Variants in LRRC3B observed in about 807,000 individuals in gnomAD.
The protein encoded by LRRC3B is leucine rich repeat containing 3B.
A neutral mutation model predicts 12.8 loss-of-function variants in LRRC3B; 2 were observed. The ratio of observed to expected loss-of-function variants is 0.16; its 90% CI spans 0.06 to 0.49. LRRC3B has a LOEUF of 0.49. Ranked by LOEUF, LRRC3B falls within the 20% of genes least tolerant of loss-of-function variation. The probability of loss-of-function intolerance (pLI) is 0.96; values close to 1 mark genes in which losing one functional copy is unlikely to be tolerated. For missense variants in LRRC3B, 189 were observed against 319.4 expected (o/e 0.59, Z 3.11); for synonymous variants, 132 against 122.0 (o/e 1.08, Z -0.54).
intron 1 of LRRC3B, among the ~76,000 whole-genome samples, chr3:26,675,202 T>A (rs1699832402): frequency 6.6e-6 from 1 of 152,056 alleles, no homozygotes; most frequent in African/African-American, 2.4e-5. Context: ...GTCATTTTCG[T>A]AAAATAAAAT....
At chr3:26,657,711 C>T (rs904355742) in intron 1 of LRRC3B, among the ~76,000 whole-genome samples, 9 of 152,010 alleles carry the variant, frequency 5.9e-5, no homozygotes, top group South Asian at 2.1e-4. Flanking sequence ...CCAGCCAAGG[C>T]GCTCATTACT....
chr3:26,641,385 A>T (rs1258813498), intron 1 of LRRC3B, among the ~76,000 whole-genome samples: 2 of 152,204 alleles, frequency 1.3e-5, no homozygotes, highest in Non-Finnish European at 2.9e-5. Context: ...TCAGGAGATT[A>T]GCAGCAATGT....
chr3:26,699,077 G>C (rs926793359), intron 1 of LRRC3B, among the ~76,000 whole-genome samples: 1 of 151,674 alleles, frequency 6.6e-6, no homozygotes, highest in Non-Finnish European at 1.5e-5. Context: ...TTTTTCTTCA[G>C]TGAAATTTCA....
chr3:26,671,373 TAGAGAGAGAG>T (rs1195473054), intron 1 of LRRC3B, among the ~76,000 whole-genome samples: 18 of 28,256 alleles, frequency 6.4e-4, no homozygotes, highest in African/African-American at 1.6e-3. Flanking sequence ...TATATATATA[TAGAGAGAGAG>T]AGAGAGAGAG....
chr3:26,693,053 G>A (rs373540683), intron 1 of LRRC3B, among the ~76,000 whole-genome samples: 37 of 152,238 alleles, frequency 2.4e-4, no homozygotes, highest in African/African-American at 8.9e-4. Flanking sequence ...AGAGCAGGCC[G>A]GGCGCGGTGG....
At chr3:26,665,602 G>C (rs372123130) in intron 1 of LRRC3B, among the ~76,000 whole-genome samples, 1 of 152,234 alleles carries the variant, frequency 6.6e-6, no homozygotes, top group South Asian at 2.1e-4. Flanking sequence ...AACATAGTGT[G>C]AAAAGTAAAT....
intron 1 of LRRC3B, among the ~76,000 whole-genome samples, chr3:26,670,897 G>T (rs1699706312): frequency 6.6e-6 from 1 of 151,706 alleles, no homozygotes; most frequent in South Asian, 2.1e-4. Flanking sequence ...CTATCAAGGA[G>T]AATTCTGGTG....
At position 26,687,615 on chromosome 3, in the gene LRRC3B, C is replaced by A. The variant is rs561572176; in HGVS notation, c.-160-21898C>A. On this transcript the variant is annotated intron_variant, in intron 1 of 1. Transcript: ENST00000396641. ...ATACAGCCCACTCAATATTGCCTGG[C>A]AGCATGGGGTACAAGAATAGCAAGG... Among the ~76,000 whole-genome samples the A allele has an allele frequency of 2.0e-5, 3 of 152,304 alleles. No homozygotes were observed. In the South Asian group the frequency reaches 6.2e-4, roughly 32 times the overall value.
chr3:26,671,373 T>TATATATATATAGAGAGAGAG (rs1261897533), intron 1 of LRRC3B, among the ~76,000 whole-genome samples: 1 of 28,248 alleles, frequency 3.5e-5, no homozygotes, highest in African/African-American at 1.5e-4. Flanking sequence ...TATATATATA[T>TATATATATATAGAGAGAGAG]AGAGAGAGAG....
intron 1 of LRRC3B, among the ~76,000 whole-genome samples, chr3:26,673,892 G>A (rs1699804065): frequency 6.6e-6 from 1 of 152,142 alleles, no homozygotes; most frequent in Non-Finnish European, 1.5e-5. Flanking sequence ...ATTGGTCCCT[G>A]GTTTGTGGAC....
chr3:26,631,043 C>G (rs1398976498), intron 1 of LRRC3B, among the ~76,000 whole-genome samples: 2 of 152,098 alleles, frequency 1.3e-5, no homozygotes, highest in Non-Finnish European at 2.9e-5. Flanking sequence ...CTGCTCTGTT[C>G]TTAGGGATCA....
At chr3:26,676,414 T>G (rs980676407) in intron 1 of LRRC3B, among the ~76,000 whole-genome samples, 2 of 152,160 alleles carry the variant, frequency 1.3e-5, no homozygotes, top group African/African-American at 4.8e-5. Flanking sequence ...GGACATGAAC[T>G]CATCATTTTT....
intron 1 of LRRC3B, among the ~76,000 whole-genome samples, chr3:26,645,504 T>A (rs1699123639): frequency 1.3e-5 from 2 of 152,124 alleles, no homozygotes; most frequent in Admixed American, 1.3e-4. Context: ...AACAATACTA[T>A]TACACAAAGA....
chr3:26,669,012 AAATT>A (rs1699665473), intron 1 of LRRC3B, among the ~76,000 whole-genome samples: 1 of 152,214 alleles, frequency 6.6e-6, no homozygotes, highest in Admixed American at 6.5e-5. Context: ...TAGACTGAAC[AAATT>A]AATATGTCAT....
intron 1 of LRRC3B, among the ~76,000 whole-genome samples, chr3:26,644,987 C>G (rs1699112523): frequency 1.3e-5 from 2 of 152,110 alleles, no homozygotes; most frequent in African/African-American, 4.8e-5. Context: ...CATACACATA[C>G]AGACATACAT....
At chr3:26,684,232 A>G (rs1700028011) in intron 1 of LRRC3B, among the ~76,000 whole-genome samples, 1 of 152,316 alleles carries the variant, frequency 6.6e-6, no homozygotes. Flanking sequence ...CCAGGGGTGA[A>G]AGTAGATTGT....
At chr3:26,634,580 T>G (rs9876278) in intron 1 of LRRC3B, among the ~76,000 whole-genome samples, 1,791 of 152,272 alleles carry the variant, frequency 0.012, 30 homozygotes, top group African/African-American at 0.038. Flanking sequence ...CACCTCGACA[T>G]GGTGTGTGTT....
intron 1 of LRRC3B, among the ~76,000 whole-genome samples, chr3:26,696,442 G>A (rs1559370704): frequency 6.6e-6 from 1 of 152,190 alleles, no homozygotes; most frequent in Non-Finnish European, 1.5e-5. Flanking sequence ...GTTTGTTGTA[G>A]TCTCAGGGCT....
chr3:26,629,129 T>A (rs1296156404), intron 1 of LRRC3B, among the ~76,000 whole-genome samples: 3 of 152,202 alleles, frequency 2.0e-5, no homozygotes, highest in Non-Finnish European at 1.5e-5. Context: ...AAGTGGTAAG[T>A]ATGTTTTCAA....
Sources: allele counts gnomAD v4.1 joint callset (sites outside exome capture counted in the v4.1 genomes callset), GRCh38; gene constraint gnomAD v4.1.1; transcripts MANE v1.5; gene names NCBI Gene and HGNC (gene_info 2026-07-23, HGNC 2026-07-21).